Variants in F11R observed in about 807,000 individuals in gnomAD.
The protein encoded by F11R is F11 receptor, also known as junctional adhesion molecule A.
Under a neutral mutation model 39.3 loss-of-function variants are expected in F11R, and 27 were observed. The ratio of observed to expected loss-of-function variants is 0.69; its 90% CI spans 0.51 to 0.95. F11R has a LOEUF of 0.95. F11R is among the 40% of genes least tolerant of loss of function. The pLI, the probability that F11R is intolerant of heterozygous loss-of-function variation, is 0.00. For synonymous variants in F11R, 131 were observed against 144.9 expected (o/e 0.90, Z 0.69); for missense variants, 335 against 372.7 (o/e 0.90, Z 0.83).
intron 1 of F11R, among the ~76,000 whole-genome samples, chr1:161,008,356 G>A (rs747267131): frequency 1.8e-4 from 27 of 152,090 alleles, no homozygotes; most frequent in South Asian, 6.2e-4. Flanking sequence ...TTAGCCGGGC[G>A]TGGTCGCAGG....
Position 161,010,441 on chromosome 1 carries a change from C to A in F11R, c.65-9088G>T, listed in dbSNP as rs867012645. Among the ~76,000 whole-genome samples, 119 of 80,226 alleles carry A rather than the reference C, an allele frequency of 1.5e-3. 1 individual carries two copies. Among genetic ancestry groups the A allele is most frequent in the Middle Eastern group, 0.011 (1 of 92 alleles). The allele number at this position is 80,226 out of a possible 152,430, so 52.6% of individuals were successfully genotyped here. ...CCTGGGTGACAGAGCGAGACTCCAT[C>A]AAAAAAAAAAAAAAAACAGTTGATC... On this transcript the variant is annotated intron_variant, in intron 1 of 9. Coordinates refer to ENST00000368026, the MANE Select transcript of F11R (RefSeq NM_016946.6).
In F11R at chr1:161,021,014, C is replaced by T. The variant is rs1372117090; in HGVS notation, c.60G>A (p.Leu20=). The change falls in exon 1 of 10, where the codon CTG becomes CTA. Residue 20 remains leucine, a synonymous_variant. Coordinates refer to ENST00000368026, the MANE Select transcript of F11R (RefSeq NM_016946.6). ...CCCGAAACTCTGGGAACTTACACAACAGGATCGCCAATATGAAGAGGCACA... is the reference window on the plus strand; with the variant it reads ...CCCGAAACTCTGGGAACTTACACAATAGGATCGCCAATATGAAGAGGCACA... ...KLLCLFILAI[L]LCSLALGSVT... 6.2e-7 allele frequency: 1 copy of T among 1,614,192 alleles called. No individual in the cohort carries two copies. The highest frequency in any genetic ancestry group is 8.5e-7 in the Non-Finnish European group (1 of 1,180,012).
At chr1:161,010,058 T>TA (rs11443926) in intron 1 of F11R, among the ~76,000 whole-genome samples, 112,390 of 145,218 alleles carry the variant, frequency 0.77, 43,260 homozygotes, top group East Asian at 0.84. Flanking sequence ...ACTAAACTCT[T>TA]AAAAAAAAAA....
intron 1 of F11R, among the ~76,000 whole-genome samples, chr1:161,010,550 C>T (rs972974716): frequency 6.6e-6 from 1 of 151,562 alleles, no homozygotes; most frequent in African/African-American, 2.4e-5. Context: ...CTATATGTAG[C>T]TTTATTGGAC....
chr1:161,011,748 T>C (rs1244739170), intron 1 of F11R, among the ~76,000 whole-genome samples: 1 of 151,342 alleles, frequency 6.6e-6, no homozygotes, highest in African/African-American at 2.4e-5. Flanking sequence ...AAAAAAAGTA[T>C]ATTTTGTAGG....
At position 161,000,137 on chromosome 1, in the gene F11R, C is replaced by A; in HGVS notation, c.591+9G>T. On this transcript the variant is annotated intron_variant, in intron 5 of 9. Transcript: ENST00000368026. Reference sequence around the variant, plus strand: ...CCCCACACATCTTTCACCACCACCCCATACATACCAGCTCTCCTGTTGTGG... The same window carrying A: ...CCCCACACATCTTTCACCACCACCCAATACATACCAGCTCTCCTGTTGTGG... The A allele has an allele frequency of 6.2e-7, 1 of 1,614,040 alleles. No homozygotes were observed. The highest frequency in any genetic ancestry group is 1.1e-5 in the South Asian group (1 of 91,074).
Position 160,996,814 on chromosome 1 carries a change from T to C in F11R, c.*2057A>G, listed in dbSNP as rs1010026458. The C allele has an allele frequency of 1.3e-5, 2 of 152,346 alleles. No homozygotes were observed. Among genetic ancestry groups the C allele is most frequent in the Admixed American group, 6.6e-5 (1 of 15,266 alleles). 9.4% of individuals were successfully genotyped at this position (152,346 alleles called of 1,614,324 possible). On this transcript the variant is annotated 3_prime_UTR_variant, in exon 10 of 10. Transcript: ENST00000368026. ...CAAAAAACAACAAACTCATCTTTAC[T>C]GAACCATTTCATAAGCTCTACTTTA... is the stretch of plus-strand genomic sequence containing the variant.
At chr1:161,012,600 TTTTATTTATTTATTTA>T (rs10649944) in intron 1 of F11R, among the ~76,000 whole-genome samples, 5 of 144,174 alleles carry the variant, frequency 3.5e-5, no homozygotes, top group Admixed American at 1.4e-4. Flanking sequence ...AATTAATTAA[TTTTATTTATTTATTTA>T]TTTATTTATT....
In F11R at chr1:161,008,278, G is replaced by A. The variant is rs187586188; in HGVS notation, c.65-6925C>T. Among the ~76,000 whole-genome samples, 332 of 152,094 alleles carry A rather than the reference G, an allele frequency of 2.2e-3. 1 individual carries two copies. The highest frequency in any genetic ancestry group is 7.5e-3 in the African/African-American group (311 of 41,508). On this transcript the variant is annotated intron_variant, in intron 1 of 9. Coordinates refer to ENST00000368026, the MANE Select transcript of F11R (RefSeq NM_016946.6). Reference sequence around the variant, plus strand: ...TGGGAGGCTGAGGCAGGCGGATCTCGAGATCAGGAGATCAAGACCATCTTG... The same window carrying A: ...TGGGAGGCTGAGGCAGGCGGATCTCAAGATCAGGAGATCAAGACCATCTTG...
chr1:160,998,706 G>T lies in F11R; in HGVS notation c.*165C>A. The T allele has an allele frequency of 1.5e-6, 1 of 656,606 alleles. No individual in the cohort carries two copies. Among genetic ancestry groups the T allele is most frequent in the Non-Finnish European group, 2.7e-6 (1 of 368,580 alleles). The allele number at this position is 656,606 out of a possible 1,614,324, so 40.7% of individuals were successfully genotyped here. Reference sequence around the variant, plus strand: ...AGGGAGGGAGGGCATGAAGGAGGATGGGGCACATAGCTGACATTATTAAAA... The same window carrying T: ...AGGGAGGGAGGGCATGAAGGAGGATTGGGCACATAGCTGACATTATTAAAA... On this transcript the variant is annotated 3_prime_UTR_variant, in exon 10 of 10. Transcript: ENST00000368026.
At chr1:161,000,960 A>G in intron 3 of F11R, 60 bp downstream of exon 3, 2 of 1,536,688 alleles carry the variant, frequency 1.3e-6, no homozygotes, top group Non-Finnish European at 1.8e-6. Context: ...GGATCGTAGA[A>G]TCCAGGCATG....
intron 1 of F11R, among the ~76,000 whole-genome samples, chr1:161,002,955 TG>T (rs1648577640): frequency 7.5e-6 from 1 of 133,900 alleles, no homozygotes; most frequent in African/African-American, 3.0e-5. Flanking sequence ...TCTATTTATT[TG>T]TTTTTTTTTT....
intron 1 of F11R, 88 bp downstream of exon 1, chr1:161,020,922 C>T: frequency 8.5e-7 from 1 of 1,175,426 alleles, no homozygotes; most frequent in Admixed American, 1.7e-5. Context: ...CTGAGCTCCT[C>T]CCCTCCCGCG....
rs1405597756 is a variant in F11R at position 160,996,008 on chromosome 1, C to G, written c.*2863G>C. On this transcript the variant is annotated 3_prime_UTR_variant, in exon 10 of 10. Transcript: ENST00000368026. ...AATGTCACTTTAACATAGGAAATGT[C>G]CATTGTGGGGTTATTTGCATTTAAA... is the stretch of plus-strand genomic sequence containing the variant. 6.6e-6 allele frequency: 1 copy of G among 152,170 alleles called. No individual in the cohort carries two copies. Among genetic ancestry groups the G allele is most frequent in the Non-Finnish European group, 1.5e-5 (1 of 68,018 alleles). 9.4% of individuals were successfully genotyped at this position (152,170 alleles called of 1,614,324 possible).
At chr1:161,011,041 G>A (rs559429586) in intron 1 of F11R, among the ~76,000 whole-genome samples, 2 of 143,278 alleles carry the variant, frequency 1.4e-5, no homozygotes, top group South Asian at 2.4e-4. Flanking sequence ...TTCATTGTTC[G>A]TTTTTTTTGG....
At chr1:161,001,427 A>T (rs768873111) in intron 1 of F11R, 74 bp from the exon 2 acceptor site, 14 of 1,299,224 alleles carry the variant, frequency 1.1e-5, no homozygotes, top group Non-Finnish European at 1.4e-5. Context: ...TCACAGACCC[A>T]GTGGACAGGG....
intron 5 of F11R, 30 bp downstream of exon 5, chr1:161,000,116 A>G (rs1557889253): frequency 1.2e-6 from 2 of 1,612,756 alleles, no homozygotes; most frequent in Non-Finnish European, 8.5e-7. Flanking sequence ...TGCATCCCCC[A>G]CACATCTTTC....
Position 161,001,138 on chromosome 1 carries a change from G to A in F11R, c.134-11C>T, listed in dbSNP as rs1181710687. 5 of 1,612,524 alleles carry A rather than the reference G, an allele frequency of 3.1e-6. No individual in the cohort carries two copies. Among genetic ancestry groups the A allele is most frequent in the African/African-American group, 1.3e-5 (1 of 74,852 alleles). ...AGGACAACTTCACAGCTGCAGACAGGGTCAAAATGAGCCGAAGGAAGAAGC... is the reference window on the plus strand; with the variant it reads ...AGGACAACTTCACAGCTGCAGACAGAGTCAAAATGAGCCGAAGGAAGAAGC... On this transcript the variant is annotated splice_polypyrimidine_tract_variant and intron_variant, in intron 2 of 9. Transcript: ENST00000368026.
intron 1 of F11R, among the ~76,000 whole-genome samples, chr1:161,014,104 C>T (rs1278760030): frequency 6.6e-6 from 1 of 152,204 alleles, no homozygotes; most frequent in African/African-American, 2.4e-5. Flanking sequence ...CTTTCCACAA[C>T]CGTCACACAA....
Sources: gnomAD v4.1 joint callset for allele counts (sites outside exome capture counted in the v4.1 genomes callset) on GRCh38, gnomAD v4.1.1 for gene constraint, MANE v1.5 for transcripts, NCBI Gene and HGNC (gene_info 2026-07-23, HGNC 2026-07-21) for gene names.